The following ASNS variants were observed in gnomAD, a reference collection of about 807,000 sequenced individuals.
The protein encoded by ASNS is asparagine synthetase (glutamine-hydrolyzing).
In ASNS, 37 loss-of-function variants were observed where a neutral mutation model predicts 62.6. The observed-to-expected ratio is 0.59, with a 90% CI of 0.45 to 0.78. ASNS has a LOEUF of 0.78. Among genes scored for constraint, ASNS ranks in the 30% least tolerant of loss-of-function variants. The probability of loss-of-function intolerance (pLI) is 0.00; values close to 1 mark genes in which losing one functional copy is unlikely to be tolerated. For synonymous variants in ASNS, 207 were observed against 237.9 expected (o/e 0.87, Z 1.19); for missense variants, 520 against 682.4 (o/e 0.76, Z 2.65).
At chr7:97,911,785 G>T in the ASNS span, among the ~76,000 whole-genome samples, 1 of 151,724 alleles carries the variant, frequency 6.6e-6, no homozygotes, top group Non-Finnish European at 1.5e-5. Flanking sequence ...AGGGAAGCGT[G>T]GGGGAGGCTG....
In ASNS at chr7:97,870,917, A is replaced by G. The variant is rs550599229; in HGVS notation, c.-59-1104T>C. On this transcript the variant is annotated intron_variant, in intron 1 of 12. Coordinates refer to ENST00000394308, the MANE Select transcript of ASNS (RefSeq NM_001673.5). ...ACACTTATTTTTTCTAGTAGGAAAAAGCCAATTAAAACTATAACCTATTAT... is the reference window on the plus strand; with the variant it reads ...ACACTTATTTTTTCTAGTAGGAAAAGGCCAATTAAAACTATAACCTATTAT... Among the ~76,000 whole-genome samples the G allele has an allele frequency of 3.3e-5, 5 of 152,324 alleles. No homozygotes were observed. The East Asian group carries it at 7.7e-4, about 24-fold the overall frequency.
chr7:97,896,731 C>CATATATATATATAT, the ASNS span, among the ~76,000 whole-genome samples: 2 of 27,862 alleles, frequency 7.2e-5, no homozygotes, highest in African/African-American at 1.8e-4. Context: ...CACACACACA[C>CATATATATATATAT]ACACACACAC....
chr7:97,903,670 C>A, the ASNS span, among the ~76,000 whole-genome samples: 1 of 152,078 alleles, frequency 6.6e-6, no homozygotes, highest in African/African-American at 2.4e-5. Flanking sequence ...CTAAAAAAAA[C>A]AAACACTTCT....
At chr7:97,915,005 G>A in the ASNS span, among the ~76,000 whole-genome samples, 2 of 152,192 alleles carry the variant, frequency 1.3e-5, no homozygotes, top group Non-Finnish European at 2.9e-5. Flanking sequence ...AGAGCGGGGG[G>A]CATGGCAGAC....
the ASNS span, among the ~76,000 whole-genome samples, chr7:97,921,295 T>A: frequency 2.0e-5 from 3 of 152,110 alleles, no homozygotes; most frequent in Admixed American, 1.3e-4. Flanking sequence ...AAGATAAGCA[T>A]TTTTTTCCCT....
the ASNS span, among the ~76,000 whole-genome samples, chr7:97,924,863 G>A: frequency 1.1e-4 from 17 of 152,344 alleles, no homozygotes; most frequent in African/African-American, 3.8e-4. Flanking sequence ...CCAGCCCAGC[G>A]TGGTGGCTCA....
At chr7:97,924,485 G>A in the ASNS span, among the ~76,000 whole-genome samples, 1 of 152,234 alleles carries the variant, frequency 6.6e-6, no homozygotes, top group African/African-American at 2.4e-5. Flanking sequence ...GCTTCAGCCT[G>A]TGTAGTCCAG....
rs779934884 is a variant in ASNS, at chr7:97,854,591, A to G, written c.1227T>C (p.Thr409=). Reference sequence around the variant, plus strand: ...TCTAAAAATATTACCCATGGGCAGCAGTAGTTCGATCTGCGCGGAGAACAT... The same window carrying G: ...TCTAAAAATATTACCCATGGGCAGCGGTAGTTCGATCTGCGCGGAGAACAT... ...LFDVLRADRT[T]AAHGLELRVP... is the part of the protein sequence containing the mutation. Residue 409 remains threonine, a synonymous_variant, in exon 10 of 13, where the codon ACT becomes ACC. Coordinates refer to ENST00000394308, the MANE Select transcript of ASNS (RefSeq NM_001673.5). 3 of 1,613,914 alleles carry G rather than the reference A, an allele frequency of 1.9e-6. No individual in the cohort carries two copies. The highest frequency in any genetic ancestry group is 2.5e-6 in the Non-Finnish European group (3 of 1,179,960).
the ASNS span, among the ~76,000 whole-genome samples, chr7:97,916,251 G>A: frequency 6.6e-6 from 1 of 152,012 alleles, no homozygotes; most frequent in Admixed American, 6.6e-5. Context: ...TATGGTTGTG[G>A]GTGCCTGTAG....
In ASNS at chr7:97,854,678, A is replaced by T. The variant is rs1203740439; in HGVS notation, c.1140T>A (p.Ala380=). Residue 380 remains alanine, a splice_region_variant and synonymous_variant, in exon 10 of 13, where the codon GCT becomes GCA. Coordinates refer to ENST00000394308, the MANE Select transcript of ASNS (RefSeq NM_001673.5). Reference sequence around the variant, plus strand: ...CCTCCTCGGCTTTTTCAGGAGAAGGAGCCTATTTCACAAACAAAAACACCA... The same window carrying T: ...CCTCCTCGGCTTTTTCAGGAGAAGGTGCCTATTTCACAAACAAAAACACCA... ...LTQGYIYFHK[A]PSPEKAEEES... 1 of 1,614,068 alleles carries T rather than the reference A, an allele frequency of 6.2e-7. No individual in the cohort carries two copies. The highest frequency in any genetic ancestry group is 1.7e-5 in the Admixed American group (1 of 59,950).
At chr7:97,907,218 AC>A in the ASNS span, among the ~76,000 whole-genome samples, 1 of 152,142 alleles carries the variant, frequency 6.6e-6, no homozygotes, top group African/African-American at 2.4e-5. Flanking sequence ...TTCCCTGCTA[AC>A]CCCAAATATT....
the ASNS span, among the ~76,000 whole-genome samples, chr7:97,918,399 G>A: frequency 2.0e-5 from 3 of 152,194 alleles, no homozygotes; most frequent in East Asian, 3.9e-4. Context: ...TCAGAACACC[G>A]TCTGTGATTG....
the ASNS span, among the ~76,000 whole-genome samples, chr7:97,915,005 G>C: frequency 1.3e-5 from 2 of 152,192 alleles, no homozygotes; most frequent in African/African-American, 2.4e-5. Flanking sequence ...AGAGCGGGGG[G>C]CATGGCAGAC....
the ASNS span, among the ~76,000 whole-genome samples, chr7:97,921,802 C>G: frequency 6.6e-6 from 1 of 152,182 alleles, no homozygotes; most frequent in African/African-American, 2.4e-5. Flanking sequence ...CAGGAGCATC[C>G]TGCACTTCCT....
At chr7:97,911,667 T>C in the ASNS span, among the ~76,000 whole-genome samples, 2 of 152,102 alleles carry the variant, frequency 1.3e-5, no homozygotes, top group Non-Finnish European at 1.5e-5. Context: ...AAAACCCTCT[T>C]GATCCCATTT....
the ASNS span, among the ~76,000 whole-genome samples, chr7:97,897,612 C>G: frequency 2.6e-5 from 4 of 152,146 alleles, no homozygotes; most frequent in African/African-American, 7.2e-5. Flanking sequence ...ACAACAAATG[C>G]TGGCAAGCAT....
the ASNS span, among the ~76,000 whole-genome samples, chr7:97,903,274 C>G: frequency 6.7e-6 from 1 of 148,644 alleles, no homozygotes; most frequent in South Asian, 2.1e-4. Flanking sequence ...AGCCTGGTGC[C>G]TTTAGAGCTA....
the ASNS span, among the ~76,000 whole-genome samples, chr7:97,918,295 C>G: frequency 6.6e-6 from 1 of 152,190 alleles, no homozygotes; most frequent in African/African-American, 2.4e-5. Context: ...GCAAATTAAG[C>G]ACAGATCCCC....
At chr7:97,917,480 G>A in the ASNS span, among the ~76,000 whole-genome samples, 5 of 152,336 alleles carry the variant, frequency 3.3e-5, no homozygotes, top group African/African-American at 1.2e-4. Flanking sequence ...CCAGGTCTAA[G>A]CTGGGCTTGG....
Sources: gnomAD v4.1 joint callset for allele counts (sites outside exome capture counted in the v4.1 genomes callset) on GRCh38, gnomAD v4.1.1 for gene constraint, MANE v1.5 for transcripts, NCBI Gene and HGNC (gene_info 2026-07-23, HGNC 2026-07-21) for gene names.